The following CDH4 variants were observed in gnomAD, a reference collection of about 807,000 sequenced individuals.
CDH4 encodes the protein cadherin-4.
CDH4 carries 33 observed loss-of-function variants against 86.0 expected under a neutral mutation model. The observed-to-expected ratio is 0.38, with a 90% confidence interval of 0.29 to 0.51. CDH4 has a LOEUF of 0.51. Ranked by LOEUF, CDH4 falls within the 20% of genes least tolerant of loss-of-function variation. The pLI is 0.86. For missense variants in CDH4, 1,114 were observed against 1,307.4 expected (o/e 0.85, Z 2.28); for synonymous variants, 555 against 549.4 (o/e 1.01, Z -0.14).
At chr20:61,543,196 CCTT>C (rs1404507555) in intron 2 of CDH4, among the ~76,000 whole-genome samples, 2 of 152,216 alleles carry the variant, frequency 1.3e-5, no homozygotes, top group Non-Finnish European at 2.9e-5. Context: ...CAAATGTTAA[CCTT>C]CTTTGGCAAC....
chr20:61,735,717 G>A (rs1479100945), intron 2 of CDH4, among the ~76,000 whole-genome samples: 5 of 152,210 alleles, frequency 3.3e-5, no homozygotes, highest in African/African-American at 1.2e-4. Flanking sequence ...GGTCTTTGCT[G>A]CAGGAATGGA....
rs1291162557 is a variant in CDH4 at position 61,663,608 on chromosome 20, G to A, written c.170-79955G>A. Among the ~76,000 whole-genome samples, 10 of 152,136 alleles carry A rather than the reference G, an allele frequency of 6.6e-5. No homozygotes were observed. The highest frequency in any genetic ancestry group is 1.3e-4 in the Non-Finnish European group (9 of 68,014). On this transcript the variant is annotated intron_variant, in intron 2 of 15. Coordinates refer to ENST00000614565, the MANE Select transcript of CDH4 (RefSeq NM_001794.5). This position sits in a 1 kb window ranked among gnomAD's most constrained non-coding sequence, Gnocchi z 5.0. ...CGGGAGCTGCTGGGACGGCAGGACCGGGTGTGTGTGTCCAAGAGACCATCT... is the reference window on the plus strand; with the variant it reads ...CGGGAGCTGCTGGGACGGCAGGACCAGGTGTGTGTGTCCAAGAGACCATCT...
intron 2 of CDH4, among the ~76,000 whole-genome samples, chr20:61,716,986 G>A (rs998414099): frequency 2.6e-5 from 4 of 152,188 alleles, no homozygotes; most frequent in African/African-American, 4.8e-5. Flanking sequence ...TGTGGTTCTT[G>A]GGCAGGCATT....
At chr20:61,897,330 G>A (rs1469386895) in intron 8 of CDH4, among the ~76,000 whole-genome samples, 1 of 151,538 alleles carries the variant, frequency 6.6e-6, no homozygotes, top group African/African-American at 2.4e-5. Flanking sequence ...CTCATCTCTG[G>A]TCCCCATCCC....
At chr20:61,746,942 T>C (rs1196356297) in intron 3 of CDH4, among the ~76,000 whole-genome samples, 2 of 152,198 alleles carry the variant, frequency 1.3e-5, no homozygotes, top group Non-Finnish European at 2.9e-5. Context: ...CCAGCCTCTA[T>C]AGATGATCAA....
chr20:61,613,418 T>G (rs1200221517), intron 2 of CDH4, among the ~76,000 whole-genome samples: 1 of 152,010 alleles, frequency 6.6e-6, no homozygotes, highest in Admixed American at 6.5e-5. Context: ...GAACCCCAAG[T>G]GCCAGGTAAC....
chr20:61,366,633 G>C (rs2084812038), intron 2 of CDH4, among the ~76,000 whole-genome samples: 1 of 152,244 alleles, frequency 6.6e-6, no homozygotes, highest in African/African-American at 2.4e-5. Flanking sequence ...TATTGGGCTA[G>C]TTAACTGCAG....
At chr20:61,782,075 T>C (rs1238774870) in intron 4 of CDH4, among the ~76,000 whole-genome samples, 5 of 152,034 alleles carry the variant, frequency 3.3e-5, no homozygotes, top group Admixed American at 3.3e-4. Flanking sequence ...GGGAGGCCAA[T>C]GCAGGCAGAT....
chr20:61,614,183 G>A (rs566163757), intron 2 of CDH4, among the ~76,000 whole-genome samples: 2 of 152,194 alleles, frequency 1.3e-5, no homozygotes, highest in Admixed American at 1.3e-4. Context: ...GTGGACCCCT[G>A]TATATTCTCA....
At chr20:61,434,301 T>A (rs2085267943) in intron 2 of CDH4, among the ~76,000 whole-genome samples, 1 of 152,174 alleles carries the variant, frequency 6.6e-6, no homozygotes, top group Non-Finnish European at 1.5e-5. Flanking sequence ...CTATGAAGGC[T>A]CTGCACAAGC....
intron 2 of CDH4, among the ~76,000 whole-genome samples, chr20:61,732,038 C>T (rs569839046): frequency 1.3e-5 from 2 of 152,336 alleles, no homozygotes; most frequent in East Asian, 3.9e-4. Context: ...TCCTCTCTCT[C>T]CCTCCTTCTC....
At chr20:61,536,977 C>T (rs774290694) in intron 2 of CDH4, among the ~76,000 whole-genome samples, 1 of 152,100 alleles carries the variant, frequency 6.6e-6, no homozygotes, top group African/African-American at 2.4e-5. Flanking sequence ...TGGCTCAAGA[C>T]GGATGGGTGT....
intron 2 of CDH4, among the ~76,000 whole-genome samples, chr20:61,602,900 C>T (rs2086613857): frequency 6.6e-6 from 1 of 152,188 alleles, no homozygotes; most frequent in Non-Finnish European, 1.5e-5. Flanking sequence ...GTGTGGTCTC[C>T]AGACCAGCGA....
intron 2 of CDH4, among the ~76,000 whole-genome samples, chr20:61,556,507 C>T (rs1478960473): frequency 6.6e-6 from 1 of 152,112 alleles, no homozygotes; most frequent in Non-Finnish European, 1.5e-5. Context: ...AATGAAAGTC[C>T]AAACAGAAGC....
intron 2 of CDH4, among the ~76,000 whole-genome samples, chr20:61,492,974 C>T (rs924827018): frequency 5.3e-5 from 8 of 152,196 alleles, no homozygotes; most frequent in Non-Finnish European, 1.0e-4. Context: ...CAGCTTTGAG[C>T]TGTCGTGCCT....
At chr20:61,683,644 A>T (rs543141521) in intron 2 of CDH4, among the ~76,000 whole-genome samples, 20 of 152,302 alleles carry the variant, frequency 1.3e-4, no homozygotes, top group African/African-American at 4.6e-4. Flanking sequence ...TGAGATGCAT[A>T]CTTTGTTGAT....
chr20:61,652,466 G>A (rs747327740), intron 2 of CDH4, among the ~76,000 whole-genome samples: 72 of 152,142 alleles, frequency 4.7e-4, no homozygotes, highest in Admixed American at 2.6e-4. Context: ...CTATTTAAGC[G>A]TCCTTTATGA....
chr20:61,556,050 C>T (rs897743828), intron 2 of CDH4, among the ~76,000 whole-genome samples: 4 of 152,142 alleles, frequency 2.6e-5, no homozygotes, highest in Non-Finnish European at 5.9e-5. Context: ...ATGGTGGGCT[C>T]GCCTTGGTGT....
chr20:61,404,280 T>C lies in CDH4; in HGVS notation c.169+149343T>C, dbSNP rs530469421. ...TTCCTCTGCTTGTTCCTGATTGTTT[T>C]AATTTCCAAAAACCATGATGAGGAC... On this transcript the variant is annotated intron_variant, in intron 2 of 15. Coordinates refer to ENST00000614565, the MANE Select transcript of CDH4 (RefSeq NM_001794.5). Among the ~76,000 whole-genome samples, 71 of 152,180 alleles carry C rather than the reference T, an allele frequency of 4.7e-4. No homozygotes were observed. In the South Asian group the frequency reaches 0.014, roughly 30 times the overall value.
Sources: allele counts gnomAD v4.1 joint callset (sites outside exome capture counted in the v4.1 genomes callset), GRCh38; gene constraint gnomAD v4.1.1; non-coding constraint Gnocchi (gnomAD v3.1); transcripts MANE v1.5; gene names NCBI Gene and HGNC (gene_info 2026-07-23, HGNC 2026-07-21).